TENM4: variants seen among roughly 807,000 people sequenced by gnomAD.
The protein encoded by TENM4 is teneurin-4.
A neutral mutation model predicts 243.3 loss-of-function variants in TENM4; 82 were observed. The ratio of observed to expected loss-of-function variants is 0.34; its 90% CI spans 0.28 to 0.40. The LOEUF (loss-of-function observed/expected upper bound fraction) is 0.40, where lower values mean the gene tolerates loss of function less well. TENM4 is among the 10% of genes least tolerant of loss of function. TENM4 has a pLI of 1.00. For missense variants in TENM4, 3,138 were observed against 3,673.3 expected (o/e 0.85, Z 3.77); for synonymous variants, 1,412 against 1,456.3 (o/e 0.97, Z 0.69).
At chr11:79,331,858 C>T (rs1255112229) in intron 1 of TENM4, among the ~76,000 whole-genome samples, 2 of 152,222 alleles carry the variant, frequency 1.3e-5, no homozygotes, top group African/African-American at 4.8e-5. Flanking sequence ...CATGTAATGG[C>T]TCTAGTTCCA....
At chr11:78,889,139 A>G (rs1855608132) in intron 9 of TENM4, among the ~76,000 whole-genome samples, 1 of 152,224 alleles carries the variant, frequency 6.6e-6, no homozygotes, top group Admixed American at 6.5e-5. Flanking sequence ...ACCCAGGGTC[A>G]GGTGAGCACT....
At chr11:79,303,874 G>A (rs554000084) in intron 1 of TENM4, among the ~76,000 whole-genome samples, 32 of 152,292 alleles carry the variant, frequency 2.1e-4, no homozygotes, top group South Asian at 6.2e-4. Flanking sequence ...GGCTGGTAGC[G>A]TGTTAAGAAG....
chr11:78,727,400 C>T (rs1855540277), intron 22 of TENM4, among the ~76,000 whole-genome samples: 1 of 145,504 alleles, frequency 6.9e-6, no homozygotes, highest in Admixed American at 6.9e-5. Flanking sequence ...TGAGCCACTG[C>T]ATTCCATCCT....
At chr11:79,340,810 G>T (rs372197309) in intron 1 of TENM4, among the ~76,000 whole-genome samples, 1 of 152,138 alleles carries the variant, frequency 6.6e-6, no homozygotes, top group African/African-American at 2.4e-5. Context: ...TCCCTCCCCT[G>T]GTGTGGTAGG....
At chr11:78,865,625 A>C (rs924885732) in intron 9 of TENM4, among the ~76,000 whole-genome samples, 2 of 152,168 alleles carry the variant, frequency 1.3e-5, no homozygotes, top group African/African-American at 4.8e-5. Context: ...GACACACACA[A>C]AAAAACTACC....
At chr11:78,760,265 G>T (rs1173443853) in intron 18 of TENM4, among the ~76,000 whole-genome samples, 1 of 152,182 alleles carries the variant, frequency 6.6e-6, no homozygotes, top group Non-Finnish European at 1.5e-5. Context: ...GGACAACAGA[G>T]GTCGACGGAG....
chr11:78,889,859 C>T lies in TENM4; in HGVS notation c.1010G>A (p.Cys337Tyr). The change falls in exon 9 of 34, where the codon TGT (cysteine) becomes TAT (tyrosine). Residue 337 changes from cysteine to tyrosine, a missense_variant. By Grantham distance (194) the Cys-to-Tyr change is radical. This residue lies in a region of TENM4 where 671 missense variants were observed against 614.1 expected (regional missense o/e 1.09). Transcript: ENST00000278550. ...AFNLKKPSKY[C>Y]NWKCAALSAI... ...GCTCAGGGCTGCGCACTTCCAGTTA[C>T]AGTACTTGGAGGGCTTCTTGAGGTT... 6.4e-7 allele frequency: 1 copy of T among 1,551,846 alleles called. No individual in the cohort carries two copies. The highest frequency in any genetic ancestry group is 1.2e-5 in the South Asian group (1 of 84,064).
At chr11:79,232,830 A>G (rs1375032879) in intron 2 of TENM4, among the ~76,000 whole-genome samples, 1 of 152,240 alleles carries the variant, frequency 6.6e-6, no homozygotes, top group Admixed American at 6.5e-5. Context: ...AACCTGGGCA[A>G]AAGCTCACCA....
intron 1 of TENM4, among the ~76,000 whole-genome samples, chr11:79,426,549 C>A (rs146457947): frequency 1.3e-5 from 2 of 152,196 alleles, no homozygotes; most frequent in East Asian, 3.9e-4. Flanking sequence ...GAGAGAAGAT[C>A]GGAGTGAACC....
intron 2 of TENM4, among the ~76,000 whole-genome samples, chr11:79,261,542 A>G (rs1436797050): frequency 6.6e-6 from 1 of 152,138 alleles, no homozygotes; most frequent in Non-Finnish European, 1.5e-5. Context: ...CCCCCACAGT[A>G]TCTTCGGCTC....
chr11:78,824,140 G>A (rs1160609257), intron 12 of TENM4, among the ~76,000 whole-genome samples: 1 of 152,186 alleles, frequency 6.6e-6, no homozygotes, highest in African/African-American at 2.4e-5. Context: ...AAAGCATGCT[G>A]TATTAGTCTG....
chr11:78,848,034 G>C (rs185753863), intron 12 of TENM4, among the ~76,000 whole-genome samples: 2 of 152,264 alleles, frequency 1.3e-5, no homozygotes, highest in Admixed American at 6.5e-5. Context: ...CTTAGGTGAA[G>C]TATCGAGGCA....
chr11:79,295,402 CA>C (rs1357593161), intron 2 of TENM4, among the ~76,000 whole-genome samples: 1 of 152,184 alleles, frequency 6.6e-6, no homozygotes, highest in Non-Finnish European at 1.5e-5. Flanking sequence ...GGTTTGCACA[CA>C]CACAATTCTG....
chr11:79,245,066 C>A (rs1397174494), intron 2 of TENM4, among the ~76,000 whole-genome samples: 1 of 152,210 alleles, frequency 6.6e-6, no homozygotes, highest in Non-Finnish European at 1.5e-5. Flanking sequence ...AGCACAGAAA[C>A]CCAGCTCTGT....
chr11:78,862,636 G>T (rs1205227173), intron 10 of TENM4, among the ~76,000 whole-genome samples: 2 of 152,052 alleles, frequency 1.3e-5, no homozygotes, highest in African/African-American at 4.8e-5. Flanking sequence ...CATGAGGTTT[G>T]CCCAGAAGAG....
At chr11:79,302,167 G>A (rs575956910) in intron 1 of TENM4, among the ~76,000 whole-genome samples, 1 of 152,178 alleles carries the variant, frequency 6.6e-6, no homozygotes, top group South Asian at 2.1e-4. Flanking sequence ...CTACTTCAAG[G>A]ATCAAGCAAT....
At chr11:79,164,459 A>G (rs117654158) in intron 3 of TENM4, among the ~76,000 whole-genome samples, 32,851 of 129,240 alleles carry the variant, frequency 0.25, 4,171 homozygotes, top group East Asian at 0.41. Context: ...TATATATAGT[A>G]TATATATAGT....
intron 4 of TENM4, among the ~76,000 whole-genome samples, chr11:79,128,720 G>A (rs1004735405): frequency 2.0e-5 from 3 of 152,228 alleles, no homozygotes; most frequent in Non-Finnish European, 2.9e-5. Context: ...TTCCCAGTGG[G>A]CAGAACTTTG....
At chr11:78,744,102 G>A (rs1044120137) in intron 19 of TENM4, among the ~76,000 whole-genome samples, 3 of 152,148 alleles carry the variant, frequency 2.0e-5, no homozygotes, top group Non-Finnish European at 4.4e-5. Context: ...CAATTTACCT[G>A]AAGTCTTGTA....
Sources: allele counts gnomAD v4.1 joint callset (sites outside exome capture counted in the v4.1 genomes callset), GRCh38; gene constraint gnomAD v4.1.1; regional missense constraint gnomAD v4.1.1; transcripts MANE v1.5; gene names NCBI Gene and HGNC (gene_info 2026-07-23, HGNC 2026-07-21).